SLC25A12: variants seen among roughly 807,000 people sequenced by gnomAD.
The protein encoded by SLC25A12 is solute carrier family 25 member 12.
A neutral mutation model predicts 83.3 loss-of-function variants in SLC25A12; 32 were observed. That is an observed-to-expected ratio of 0.38 (90% CI 0.29 to 0.52). SLC25A12 has a LOEUF of 0.52. Among genes scored for constraint, SLC25A12 ranks in the 20% least tolerant of loss-of-function variants. The probability of loss-of-function intolerance (pLI) is 0.84; values close to 1 mark genes in which losing one functional copy is unlikely to be tolerated. For missense variants in SLC25A12, 611 were observed against 835.6 expected, an observed-to-expected ratio of 0.73 and a Z score of 3.31; for synonymous variants, 267 against 291.1, an observed-to-expected ratio of 0.92 and a Z score of 0.84.
chr2:171,893,333 C>G, intron 1 of SLC25A12, 75 bp from the exon 2 acceptor site: 1 of 1,219,892 alleles, frequency 8.2e-7, no homozygotes, highest in Non-Finnish European at 1.2e-6. Context: ...TTAGAGGTCA[C>G]ATGGCTAACA....
At chr2:171,797,906 T>C (rs962146341) in intron 13 of SLC25A12, among the ~76,000 whole-genome samples, 2 of 152,228 alleles carry the variant, frequency 1.3e-5, no homozygotes, top group African/African-American at 4.8e-5. Context: ...CTCTATATCA[T>C]ACCTTTGCTG....
chr2:171,797,774 TA>T (rs1325098266), intron 13 of SLC25A12, among the ~76,000 whole-genome samples: 19 of 152,154 alleles, frequency 1.2e-4, no homozygotes, highest in African/African-American at 3.6e-4. Flanking sequence ...TAATCGACAC[TA>T]AGATATATAA....
chr2:171,789,772 T>C (rs1487912205), intron 15 of SLC25A12, among the ~76,000 whole-genome samples: 2 of 152,080 alleles, frequency 1.3e-5, no homozygotes, highest in Non-Finnish European at 2.9e-5. Flanking sequence ...TACACGCCTG[T>C]AGTCCCAACT....
chr2:171,824,131 G>C (rs1684251019), intron 9 of SLC25A12, among the ~76,000 whole-genome samples: 1 of 152,156 alleles, frequency 6.6e-6, no homozygotes, highest in East Asian at 1.9e-4. Context: ...AGAAGAAAAT[G>C]GTGGTTTTTA....
intron 5 of SLC25A12, among the ~76,000 whole-genome samples, chr2:171,842,026 T>C (rs945220260): frequency 6.6e-6 from 1 of 152,194 alleles, no homozygotes; most frequent in Non-Finnish European, 1.5e-5. Context: ...CACTCCTATG[T>C]ATATAGCCAA....
At chr2:171,885,866 G>C (rs918452822) in intron 2 of SLC25A12, among the ~76,000 whole-genome samples, 3 of 152,118 alleles carry the variant, frequency 2.0e-5, no homozygotes, top group Non-Finnish European at 2.9e-5. Flanking sequence ...GCTCTGAATT[G>C]CTAAATTCTT....
intron 3 of SLC25A12, among the ~76,000 whole-genome samples, chr2:171,856,174 C>T (rs1685041787): frequency 6.6e-6 from 1 of 152,130 alleles, no homozygotes; most frequent in Admixed American, 6.6e-5. Context: ...TCAATAGCTC[C>T]TAACATCATG....
At chr2:171,871,949 G>C (rs983781035) in intron 2 of SLC25A12, among the ~76,000 whole-genome samples, 3 of 141,700 alleles carry the variant, frequency 2.1e-5, no homozygotes, top group African/African-American at 7.7e-5. Flanking sequence ...AGTAGCCCAG[G>C]GGTTGCTTGA....
intron 2 of SLC25A12, 104 bp downstream of exon 2, chr2:171,893,101 T>C (rs1383584573): frequency 1.1e-6 from 1 of 880,436 alleles, no homozygotes; most frequent in South Asian, 1.4e-5. Flanking sequence ...TTTGAAAGAA[T>C]ACATGAAAAC....
At position 171,793,780 on chromosome 2, in the gene SLC25A12, G is replaced by T; in HGVS notation, c.1306-13C>A. ...GAGAGCCTCCAGCCTGTAGGCAAGG[G>T]AGAAGAGACAGGCAGATTCCACATC... On this transcript the variant is annotated splice_polypyrimidine_tract_variant and intron_variant, in intron 13 of 17. Coordinates refer to ENST00000422440, the MANE Select transcript of SLC25A12 (RefSeq NM_003705.5). 6.2e-7 allele frequency: 1 copy of T among 1,614,092 alleles called. No homozygotes were observed. The highest frequency in any genetic ancestry group is 8.5e-7 in the Non-Finnish European group (1 of 1,179,964).
intron 2 of SLC25A12, among the ~76,000 whole-genome samples, chr2:171,892,477 G>A (rs531874799): frequency 4.4e-4 from 67 of 152,018 alleles, no homozygotes; most frequent in African/African-American, 1.5e-3. Context: ...CACCCGCCTC[G>A]GCCTCCCAAA....
At chr2:171,884,626 T>G (rs948414857) in intron 2 of SLC25A12, among the ~76,000 whole-genome samples, 10 of 151,300 alleles carry the variant, frequency 6.6e-5, no homozygotes, top group African/African-American at 2.2e-4. Context: ...CAAAAAAAAT[T>G]TAGCCAGGTG....
At chr2:171,876,281 T>C (rs1369557519) in intron 2 of SLC25A12, among the ~76,000 whole-genome samples, 1 of 152,114 alleles carries the variant, frequency 6.6e-6, no homozygotes, top group African/African-American at 2.4e-5. Context: ...TTTTCTCCCA[T>C]CCATAAGAAG....
intron 3 of SLC25A12, among the ~76,000 whole-genome samples, chr2:171,857,431 T>C (rs1396306813): frequency 6.6e-6 from 1 of 152,142 alleles, no homozygotes; most frequent in Non-Finnish European, 1.5e-5. Flanking sequence ...ACGCCTGTAA[T>C]GCCAGCACTT....
intron 11 of SLC25A12, 86 bp downstream of exon 11, chr2:171,813,253 A>G: frequency 7.2e-7 from 1 of 1,386,206 alleles, no homozygotes. Flanking sequence ...GGCATACTAC[A>G]TATTGGCTTC....
chr2:171,888,591 G>A (rs1182019140), intron 2 of SLC25A12, among the ~76,000 whole-genome samples: 4 of 151,656 alleles, frequency 2.6e-5, no homozygotes, highest in East Asian at 1.9e-4. Context: ...ACAGGCGTGC[G>A]CTACCACATC....
intron 5 of SLC25A12, among the ~76,000 whole-genome samples, 198 bp downstream of exon 5, chr2:171,844,171 T>C (rs1361210282): frequency 6.6e-6 from 1 of 152,198 alleles, no homozygotes; most frequent in Non-Finnish European, 1.5e-5. Context: ...TGCTTTACTA[T>C]TTAAATAAAT....
rs1342524462 is a variant in SLC25A12 at position 171,809,593 on chromosome 2, C to A, written c.1305+13G>T. 6.2e-7 allele frequency: 1 copy of A among 1,603,086 alleles called. No individual in the cohort carries two copies. The highest frequency in any genetic ancestry group is 1.3e-5 in the African/African-American group (1 of 74,706). On this transcript the variant is annotated intron_variant, in intron 13 of 17. Transcript: ENST00000422440. ...TGTATTTGTCACAAGAAGCGCCTAA[C>A]AGTAATACTTACACAGCCTCCAGCA...
intron 2 of SLC25A12, among the ~76,000 whole-genome samples, chr2:171,891,327 AG>A (rs1330132208): frequency 6.6e-6 from 1 of 152,066 alleles, no homozygotes; most frequent in Admixed American, 6.6e-5. Flanking sequence ...TCAAAGAGCT[AG>A]GGACAGTCCT....
Sources: allele counts gnomAD v4.1 joint callset (sites outside exome capture counted in the v4.1 genomes callset), GRCh38; gene constraint gnomAD v4.1.1; transcripts MANE v1.5; gene names NCBI Gene and HGNC (gene_info 2026-07-23, HGNC 2026-07-21).